Variants in CCDC149 observed in about 807,000 individuals in gnomAD.
CCDC149 encodes the protein coiled-coil domain-containing protein 149.
In CCDC149, 45 loss-of-function variants were observed where a neutral mutation model predicts 59.9. The ratio of observed to expected loss-of-function variants is 0.75; its 90% CI spans 0.59 to 0.96. The LOEUF (loss-of-function observed/expected upper bound fraction) is 0.96, where lower values mean the gene tolerates loss of function less well. CCDC149 is among the 40% of genes least tolerant of loss of function. CCDC149 has a pLI of 0.00. For missense variants in CCDC149, 584 were observed against 664.7 expected (o/e 0.88, Z 1.33); for synonymous variants, 245 against 260.6 (o/e 0.94, Z 0.58).
intron 9 of CCDC149, among the ~76,000 whole-genome samples, chr4:24,825,556 G>A (rs917273922): frequency 6.6e-6 from 1 of 151,968 alleles, no homozygotes; most frequent in Non-Finnish European, 1.5e-5. Flanking sequence ...GGCGGATCAC[G>A]AGGTCAGGAG....
At chr4:24,967,072 C>T (rs1445848619) in intron 1 of CCDC149, among the ~76,000 whole-genome samples, 1 of 152,154 alleles carries the variant, frequency 6.6e-6, no homozygotes, top group East Asian at 1.9e-4. Context: ...CTGACATCGG[C>T]TGTTTGGCTG....
chr4:24,805,317 C>T (rs953479740), downstream of CCDC149, among the ~76,000 whole-genome samples: 3 of 152,126 alleles, frequency 2.0e-5, no homozygotes, highest in Non-Finnish European at 2.9e-5. Flanking sequence ...GAACATTCCA[C>T]CTACAGAACA....
chr4:24,879,478 T>C (rs1300277977), intron 1 of CCDC149, among the ~76,000 whole-genome samples: 4 of 147,466 alleles, frequency 2.7e-5, no homozygotes, highest in Non-Finnish European at 4.5e-5. Flanking sequence ...GATCGCACCA[T>C]TGCACACCAG....
chr4:24,831,691 C>A, intron 8 of CCDC149, 41 bp from the exon 9 acceptor site: 1 of 1,581,278 alleles, frequency 6.3e-7, no homozygotes, highest in Non-Finnish European at 8.6e-7. Flanking sequence ...CGTCATTCTT[C>A]TGAAACGCTG....
chr4:24,913,430 G>T (rs1414063687), upstream of CCDC149, among the ~76,000 whole-genome samples: 1 of 152,230 alleles, frequency 6.6e-6, no homozygotes, highest in Non-Finnish European at 1.5e-5. Flanking sequence ...ATATTTATTG[G>T]ACGAATATTT....
At chr4:24,922,561 A>G (rs1221869750) in intron 1 of CCDC149, among the ~76,000 whole-genome samples, 6 of 152,306 alleles carry the variant, frequency 3.9e-5, no homozygotes, top group African/African-American at 1.4e-4. Context: ...CCTGAAGCTC[A>G]CTGATGTTCA....
intron 1 of CCDC149, 94 bp downstream of exon 1, chr4:24,912,723 C>T: frequency 1.1e-6 from 1 of 908,692 alleles, no homozygotes; most frequent in South Asian, 5.2e-5. Flanking sequence ...GCCCCCCTCT[C>T]GTCCCTCCCA....
intron 3 of CCDC149, among the ~76,000 whole-genome samples, chr4:24,862,138 A>G (rs889459682): frequency 6.6e-6 from 1 of 152,204 alleles, no homozygotes; most frequent in African/African-American, 2.4e-5. Flanking sequence ...ATGACAAGTG[A>G]CAGTGAAACT....
chr4:24,816,024 T>C (rs1157255186), intron 12 of CCDC149, among the ~76,000 whole-genome samples: 1 of 152,140 alleles, frequency 6.6e-6, no homozygotes, highest in Non-Finnish European at 1.5e-5. Flanking sequence ...GACAGGACTG[T>C]AAGTCAACAG....
At chr4:24,874,720 G>A (rs916718870) in intron 2 of CCDC149, among the ~76,000 whole-genome samples, 16 of 152,122 alleles carry the variant, frequency 1.1e-4, no homozygotes, top group African/African-American at 3.1e-4. Flanking sequence ...AAGTCAACAC[G>A]ATTTTAACCT....
At chr4:24,970,302 C>T (rs112665416) in intron 1 of CCDC149, among the ~76,000 whole-genome samples, 2,778 of 152,266 alleles carry the variant, frequency 0.018, 84 homozygotes, top group African/African-American at 0.063. Context: ...TGGCTGGCCT[C>T]GGCACATACA....
chr4:24,817,991 A>T (rs1344278381), intron 12 of CCDC149, among the ~76,000 whole-genome samples: 1 of 152,222 alleles, frequency 6.6e-6, no homozygotes, highest in Non-Finnish European at 1.5e-5. Flanking sequence ...AAATGTGATG[A>T]AACGGTACTC....
chr4:24,900,420 T>C (rs1050472521), intron 1 of CCDC149, among the ~76,000 whole-genome samples: 1 of 152,122 alleles, frequency 6.6e-6, no homozygotes, highest in Non-Finnish European at 1.5e-5. Flanking sequence ...CATGAGCTAC[T>C]TTCCCTAAAT....
intron 3 of CCDC149, among the ~76,000 whole-genome samples, chr4:24,853,446 G>A (rs956866431): frequency 2.0e-5 from 3 of 152,108 alleles, no homozygotes; most frequent in African/African-American, 7.2e-5. Context: ...AGCAATGGAA[G>A]AGTCAGTCTT....
chr4:24,975,966 A>G (rs528598022), intron 1 of CCDC149, among the ~76,000 whole-genome samples: 1 of 140,838 alleles, frequency 7.1e-6, no homozygotes, highest in East Asian at 2.4e-4. Flanking sequence ...AAAGGAGGGT[A>G]GAGGAGGAGA....
intron 8 of CCDC149, among the ~76,000 whole-genome samples, 171 bp downstream of exon 8, chr4:24,834,777 G>A (rs1293829225): frequency 6.6e-6 from 1 of 152,194 alleles, no homozygotes; most frequent in Non-Finnish European, 1.5e-5. Flanking sequence ...AGTAATCTGT[G>A]TTTTAACAGG....
chr4:24,854,474 A>AG (rs1717879692), intron 3 of CCDC149, among the ~76,000 whole-genome samples: 1 of 152,182 alleles, frequency 6.6e-6, no homozygotes, highest in African/African-American at 2.4e-5. Flanking sequence ...GCCTCCTGGA[A>AG]GGGGGGATCA....
At chr4:24,963,538 T>C (rs893103215) in intron 1 of CCDC149, among the ~76,000 whole-genome samples, 1 of 152,204 alleles carries the variant, frequency 6.6e-6, no homozygotes, top group African/African-American at 2.4e-5. Context: ...GTTGACACTC[T>C]ACTTCCTCTC....
chr4:24,808,249 G>T lies in CCDC149; in HGVS notation c.*140C>A. ...GGCATCATCAGAATATTCACAGTTT[G>T]CAACAGGATCAGTGCGTTTTCTCAC... On this transcript the variant is annotated 3_prime_UTR_variant, in exon 13 of 13. Coordinates refer to ENST00000635206, the MANE Select transcript of CCDC149 (RefSeq NM_001330643.2). The T allele has an allele frequency of 1.5e-6, 1 of 656,770 alleles. No individual in the cohort carries two copies. The highest frequency in any genetic ancestry group is 2.4e-6 in the Non-Finnish European group (1 of 418,666). 40.7% of individuals were successfully genotyped at this position (656,770 alleles called of 1,614,324 possible). A position where few individuals can be genotyped will look rare whatever the true frequency, so the allele number is the denominator to read the frequency against.
Sources: allele counts gnomAD v4.1 joint callset (sites outside exome capture counted in the v4.1 genomes callset), GRCh38; gene constraint gnomAD v4.1.1; transcripts MANE v1.5; gene names NCBI Gene and HGNC (gene_info 2026-07-23, HGNC 2026-07-21).